DNAH6: variants seen among roughly 807,000 people sequenced by gnomAD.
DNAH6 encodes the protein dynein axonemal heavy chain 6.
DNAH6 carries 340 observed loss-of-function variants against 491.4 expected under a neutral mutation model. The ratio of observed to expected loss-of-function variants is 0.69; its 90% CI spans 0.63 to 0.76. DNAH6 has a LOEUF of 0.76. Ranked by LOEUF, DNAH6 falls within the 30% of genes least tolerant of loss-of-function variation. The pLI is 0.00. For synonymous variants in DNAH6, 1,603 were observed against 1,686.1 expected, an observed-to-expected ratio of 0.95 and a Z score of 1.21; for missense variants, 4,443 against 4,972.2, an observed-to-expected ratio of 0.89 and a Z score of 3.20.
At chr2:84,797,823 C>A in intron 70 of DNAH6, 165 bp downstream of exon 70, 1 of 674,658 alleles carries the variant, frequency 1.5e-6, no homozygotes, top group Non-Finnish European at 2.5e-6. Context: ...AGCCTGTTAC[C>A]TCTGGGTCCT....
rs745638231 is a variant in DNAH6, at chr2:84,595,600, A to G, written c.2725-46A>G. ...TTTTAGTATTTCAAACCTGACTTTT[A>G]CTTTATGTTTTAACTTGTTTTGCTT... On this transcript the variant is annotated intron_variant, in intron 17 of 76. Transcript: ENST00000389394. 4.1e-6 allele frequency: 6 copies of G among 1,478,792 alleles called. No individual in the cohort carries two copies. In the African/African-American group the frequency reaches 7.1e-5, roughly 18 times the overall value. The allele number at this position is 1,478,792 out of a possible 1,614,324, so 91.6% of individuals were successfully genotyped here.
chr2:84,606,979 C>T lies in DNAH6; in HGVS notation c.3178C>T (p.Leu1060Phe), dbSNP rs1389854252. The part of the protein sequence containing the change: ...ILGGTDDIQV[L>F]LDDSTINVAT... Reference sequence around the variant, plus strand: ...TTTTCTTCCCCTTCCTTTAAAGGTCCTTCTTGATGATAGCACCATCAATGT... The same window carrying T: ...TTTTCTTCCCCTTCCTTTAAAGGTCTTTCTTGATGATAGCACCATCAATGT... The change falls in exon 21 of 77, where the codon CTT becomes TTT. Residue 1060 changes from leucine (L) to phenylalanine (F), a missense_variant. Transcript: ENST00000389394. 4.5e-6 allele frequency: 7 copies of T among 1,549,860 alleles called. No homozygotes were observed. The East Asian group carries it at 1.2e-4, about 27-fold the overall frequency.
chr2:84,471,392 C>G, the DNAH6 span, among the ~76,000 whole-genome samples: 1 of 152,284 alleles, frequency 6.6e-6, no homozygotes, highest in South Asian at 2.1e-4. Flanking sequence ...ACATATCTCC[C>G]CTTTCCCTTT....
At chr2:84,506,252 T>A in the DNAH6 span, among the ~76,000 whole-genome samples, 1 of 152,334 alleles carries the variant, frequency 6.6e-6, no homozygotes, top group African/African-American at 2.4e-5. Context: ...TTTTAAAGAT[T>A]GCCATTCTAA....
the DNAH6 span, among the ~76,000 whole-genome samples, chr2:84,494,207 T>A: frequency 6.6e-6 from 1 of 152,212 alleles, no homozygotes; most frequent in East Asian, 1.9e-4. Context: ...GACTCACACG[T>A]TGGTCTCTCT....
rs189861975 is a variant in DNAH6, at chr2:84,522,041, A to T, written c.226-3524A>T. On this transcript the variant is annotated intron_variant, in intron 2 of 76. Coordinates refer to ENST00000389394, the MANE Select transcript of DNAH6 (RefSeq NM_001370.2). ...ATTTGTGTTTGATAGGAATAGCCTTATATCTGTAAATTGCTTTGCACAGTA... is the reference window on the plus strand; with the variant it reads ...ATTTGTGTTTGATAGGAATAGCCTTTTATCTGTAAATTGCTTTGCACAGTA... Among the ~76,000 whole-genome samples, 4 of 152,140 alleles carry T rather than the reference A, an allele frequency of 2.6e-5. No homozygotes were observed. The East Asian group carries it at 7.7e-4, about 29-fold the overall frequency.
chr2:84,671,406 T>C (rs1480810792), intron 39 of DNAH6, among the ~76,000 whole-genome samples: 1 of 152,132 alleles, frequency 6.6e-6, no homozygotes, highest in East Asian at 1.9e-4. Flanking sequence ...CCCCACTTGC[T>C]CAGTCCACAG....
Position 84,676,985 on chromosome 2 carries a change from G to C in DNAH6, c.6613-20G>C. 1.9e-6 allele frequency: 3 copies of C among 1,551,560 alleles called. No homozygotes were observed. Among genetic ancestry groups the C allele is most frequent in the Non-Finnish European group, 2.6e-6 (3 of 1,146,828 alleles). ...TTTCATTCTCTGCTGAGTGATCCAA[G>C]TGGATTTCTCTGCACACAGGATGTA... is the stretch of plus-strand genomic sequence containing the variant. On this transcript the variant is annotated intron_variant, in intron 40 of 76. Coordinates refer to ENST00000389394, the MANE Select transcript of DNAH6 (RefSeq NM_001370.2).
At chr2:84,668,810 C>CTGTGTGTGTGTGTGTG (rs766203821) in intron 37 of DNAH6, among the ~76,000 whole-genome samples, 20 of 121,082 alleles carry the variant, frequency 1.7e-4, no homozygotes, top group African/African-American at 5.4e-4. Context: ...AGCCATCCCT[C>CTGTGTGTGTGTGTGTG]TGTGTGTGTG....
intron 64 of DNAH6, among the ~76,000 whole-genome samples, chr2:84,763,475 TC>T (rs1197200546): frequency 6.6e-6 from 1 of 152,110 alleles, no homozygotes; most frequent in Non-Finnish European, 1.5e-5. Flanking sequence ...CCTTTTTCTA[TC>T]CCTAATCCTC....
In DNAH6 at chr2:84,743,895, C is replaced by A. The variant is rs143223957; in HGVS notation, c.10343-1185C>A. On this transcript the variant is annotated intron_variant, in intron 62 of 76. Coordinates refer to ENST00000389394, the MANE Select transcript of DNAH6 (RefSeq NM_001370.2). ...TATTTTATACATTATTTTCTCCCAT[C>A]ATTTCCTGGAGTCCTAATGATTACA... is the stretch of plus-strand genomic sequence containing the variant. Among the ~76,000 whole-genome samples, 1,141 of 152,296 alleles carry A rather than the reference C, an allele frequency of 7.5e-3. 9 individuals carry two copies. Among genetic ancestry groups the A allele is most frequent in the Middle Eastern group, 0.017 (5 of 294 alleles).
rs2104293177 is a variant in DNAH6 at position 84,605,446 on chromosome 2, T to C, written c.3082-54T>C. 2.5e-6 allele frequency: 3 copies of C among 1,188,414 alleles called. No homozygotes were observed. The East Asian group carries it at 7.7e-5, about 30-fold the overall frequency. The allele number at this position is 1,188,414 out of a possible 1,614,324, so 73.6% of individuals were successfully genotyped here. ...TTTATTTCATTTCACGTGCATTTAT[T>C]GAGTATCTAAACACACTGAATTTAG... On this transcript the variant is annotated intron_variant, in intron 19 of 76. Coordinates refer to ENST00000389394, the MANE Select transcript of DNAH6 (RefSeq NM_001370.2).
In DNAH6 at chr2:84,805,755, G is replaced by T. The variant is rs1679359806; in HGVS notation, c.11572G>T (p.Val3858Phe). ...AGAGGGAAAAAGCAATGACGAAATT[G>T]TTCAAGAACTTGTTGCTTCTGTCCA... ...GGEGKSNDEI[V>F]QELVASVQTR... The change falls in exon 71 of 77, where the codon GTT (valine) becomes TTT (phenylalanine). Residue 3858 changes from valine to phenylalanine, a missense_variant. Val to Phe is a conservative substitution (Grantham distance 50, BLOSUM62 -1). Around this residue, in one of 3 missense-constraint regions of DNAH6, gnomAD observed 1,463 missense variants for 1,656.6 expected, o/e 0.88. Coordinates refer to ENST00000389394, the MANE Select transcript of DNAH6 (RefSeq NM_001370.2). 1 of 1,551,422 alleles carries T rather than the reference G, an allele frequency of 6.4e-7. No homozygotes were observed. The highest frequency in any genetic ancestry group is 1.4e-5 in the African/African-American group (1 of 73,036).
intron 18 of DNAH6, 80 bp from the exon 19 acceptor site, chr2:84,604,259 T>C: frequency 8.9e-7 from 1 of 1,122,922 alleles, no homozygotes; most frequent in South Asian, 1.4e-5. Context: ...GCTCTCTACA[T>C]GCACAAATTG....
At chr2:84,609,552 C>A (rs72922709) in intron 21 of DNAH6, among the ~76,000 whole-genome samples, 8 of 151,782 alleles carry the variant, frequency 5.3e-5, no homozygotes, top group African/African-American at 1.7e-4. Flanking sequence ...GCAGAAAGAA[C>A]GAATAGACAT....
At chr2:84,659,490 T>C (rs1277472568) in intron 37 of DNAH6, among the ~76,000 whole-genome samples, 2 of 152,246 alleles carry the variant, frequency 1.3e-5, no homozygotes, top group African/African-American at 2.4e-5. Flanking sequence ...CCTGAATTGC[T>C]GGAATGTACT....
At chr2:84,506,163 G>T in the DNAH6 span, among the ~76,000 whole-genome samples, 1 of 152,238 alleles carries the variant, frequency 6.6e-6, no homozygotes, top group African/African-American at 2.4e-5. Context: ...GAACTAGTTT[G>T]CAGTCCCACC....
intron 21 of DNAH6, among the ~76,000 whole-genome samples, chr2:84,610,984 G>A (rs1376695237): frequency 2.0e-5 from 3 of 152,192 alleles, no homozygotes; most frequent in Middle Eastern, 3.2e-3. Context: ...GGAAGTGGTT[G>A]TAACATTTGG....
chr2:84,480,306 C>T, the DNAH6 span, among the ~76,000 whole-genome samples: 1 of 152,134 alleles, frequency 6.6e-6, no homozygotes, highest in Non-Finnish European at 1.5e-5. Context: ...GACCCAGACT[C>T]TGTGAAGCTC....
Sources: allele counts gnomAD v4.1 joint callset (sites outside exome capture counted in the v4.1 genomes callset), GRCh38; gene constraint gnomAD v4.1.1; regional missense constraint gnomAD v4.1.1; transcripts MANE v1.5; gene names NCBI Gene and HGNC (gene_info 2026-07-23, HGNC 2026-07-21).